The following PTPRF variants were observed in gnomAD, a reference collection of about 807,000 sequenced individuals.
PTPRF encodes receptor-type tyrosine-protein phosphatase F.
PTPRF carries 59 observed loss-of-function variants against 201.8 expected under a neutral mutation model. That is an observed-to-expected ratio of 0.29 (90% CI 0.24 to 0.36). The LOEUF (loss-of-function observed/expected upper bound fraction) is 0.36. Among genes scored for constraint, PTPRF ranks in the 10% least tolerant of loss-of-function variants. The pLI is 1.00. For missense variants in PTPRF, 2,132 were observed against 2,690.5 expected (o/e 0.79, Z 4.59); for synonymous variants, 1,088 against 1,089.7 (o/e 1.00, Z 0.03).
At chr1:43,609,125 G>T (rs201620679) in intron 21 of PTPRF, among the ~76,000 whole-genome samples, 1 of 152,258 alleles carries the variant, frequency 6.6e-6, no homozygotes, top group African/African-American at 2.4e-5. Flanking sequence ...GCTCGCCCCT[G>T]CAACCCCTTC....
chr1:43,586,197 G>T (rs1316170143), intron 7 of PTPRF, among the ~76,000 whole-genome samples: 1 of 152,232 alleles, frequency 6.6e-6, no homozygotes, highest in Non-Finnish European at 1.5e-5. Context: ...CTTAAGCATA[G>T]CTTCCCTTCC....
intron 7 of PTPRF, 174 bp downstream of exon 7, chr1:43,579,094 G>C (rs1297636534): frequency 1.4e-6 from 1 of 729,640 alleles, no homozygotes; most frequent in African/African-American, 1.7e-5. Context: ...GCAAGTTCCT[G>C]GCGTCTGCCA....
At chr1:43,602,147 C>T (rs1653914743) in intron 14 of PTPRF, 50 bp downstream of exon 14, 11 of 1,574,028 alleles carry the variant, frequency 7.0e-6, no homozygotes, top group African/African-American at 5.4e-5. Flanking sequence ...AAGCTGGGCT[C>T]GTGGGACGCT....
At chr1:43,535,656 G>A (rs1026673818) in intron 1 of PTPRF, among the ~76,000 whole-genome samples, 1 of 152,136 alleles carries the variant, frequency 6.6e-6, no homozygotes, top group African/African-American at 2.4e-5. Context: ...CAGATGATGG[G>A]GAACCCTACT....
At position 43,621,353 on chromosome 1, in the gene PTPRF, G is replaced by A. The variant is rs907196718; in HGVS notation, c.5655+121G>A. ...TTCATTCATGCTGCCAACCTTTCAC[G>A]TGGCCTGCGATAGGCATGGTGGTGT... On this transcript the variant is annotated intron_variant, in intron 33 of 33. Coordinates refer to ENST00000359947, the MANE Select transcript of PTPRF (RefSeq NM_002840.5). 54 of 1,339,388 alleles carry A rather than the reference G, an allele frequency of 4.0e-5. No individual in the cohort carries two copies. The African/African-American group carries it at 4.8e-4, about 12-fold the overall frequency. The allele number at this position is 1,339,388 out of a possible 1,614,324, so 83.0% of individuals were successfully genotyped here. A position where few individuals can be genotyped will look rare whatever the true frequency, so the allele number is the denominator to read the frequency against.
chr1:43,568,720 A>G (rs1646360175), intron 5 of PTPRF, among the ~76,000 whole-genome samples: 1 of 152,060 alleles, frequency 6.6e-6, no homozygotes, highest in African/African-American at 2.4e-5. Flanking sequence ...CGGGGCTGAT[A>G]TGGGAGCCCA....
intron 5 of PTPRF, among the ~76,000 whole-genome samples, chr1:43,555,983 C>T (rs1314127783): frequency 6.6e-6 from 1 of 152,148 alleles, no homozygotes; most frequent in Non-Finnish European, 1.5e-5. Flanking sequence ...TTTGATATTT[C>T]CAGAAGATTG....
upstream of PTPRF, among the ~76,000 whole-genome samples, chr1:43,524,521 T>G (rs1181934524): frequency 6.6e-6 from 1 of 151,786 alleles, no homozygotes; most frequent in Non-Finnish European, 1.5e-5. Context: ...ATAAATAAAG[T>G]TGATGGAGAA....
At chr1:43,559,117 C>A (rs1048679289) in intron 5 of PTPRF, among the ~76,000 whole-genome samples, 1 of 152,164 alleles carries the variant, frequency 6.6e-6, no homozygotes, top group Non-Finnish European at 1.5e-5. Context: ...GTGCACTGTT[C>A]GTGTGGTGTG....
Position 43,531,505 on chromosome 1 carries a change from GA to G in PTPRF, c.-126+416del. ...GGACGCGCTCCGGGGGCGGCCCTCAGACCCCCCAGCCCCGGGCTCCGGGCGG... is the reference window on the plus strand; with the variant it reads ...GGACGCGCTCCGGGGGCGGCCCTCAGCCCCCCAGCCCCGGGCTCCGGGCGG... On this transcript the variant is annotated intron_variant, in intron 1 of 33. Transcript: ENST00000359947. Among the ~76,000 whole-genome samples the G allele has an allele frequency of 2.1e-5, 3 of 141,050 alleles. No homozygotes were observed. The Admixed American group carries it at 2.1e-4, about 10-fold the overall frequency. 92.5% of individuals were successfully genotyped at this position (141,050 alleles called of 152,430 possible). A position where few individuals can be genotyped will look rare whatever the true frequency, so the allele number is the denominator to read the frequency against.
chr1:43,549,313 G>C (rs941224511), intron 3 of PTPRF, among the ~76,000 whole-genome samples: 1 of 152,208 alleles, frequency 6.6e-6, no homozygotes, highest in Non-Finnish European at 1.5e-5. Flanking sequence ...CTGGGGACCT[G>C]ACACTGTGGG....
chr1:43,592,729 G>A (rs1651163660), intron 11 of PTPRF, 128 bp downstream of exon 11: 1 of 1,176,484 alleles, frequency 8.5e-7, no homozygotes, highest in South Asian at 1.9e-5. Flanking sequence ...CCGAACTCTG[G>A]CCTGGGCTCT....
chr1:43,570,787 G>GCTGTT (rs1365906948), intron 6 of PTPRF, among the ~76,000 whole-genome samples: 1 of 152,270 alleles, frequency 6.6e-6, no homozygotes, highest in Non-Finnish European at 1.5e-5. Context: ...GACAGCCCAC[G>GCTGTT]AAGTGTTAGC....
At chr1:43,555,574 T>C (rs1645311075) in intron 5 of PTPRF, among the ~76,000 whole-genome samples, 1 of 151,352 alleles carries the variant, frequency 6.6e-6, no homozygotes, top group South Asian at 2.1e-4. Flanking sequence ...GCCTCCCGAG[T>C]AGCTGGGACT....
intron 2 of PTPRF, among the ~76,000 whole-genome samples, chr1:43,539,405 G>A (rs760929788): frequency 1.2e-4 from 18 of 152,322 alleles, no homozygotes; most frequent in East Asian, 7.7e-4. Flanking sequence ...CCAAGAGCTC[G>A]GTGGGTCTGT....
At chr1:43,608,702 T>A (rs1655734146) in intron 21 of PTPRF, among the ~76,000 whole-genome samples, 1 of 152,230 alleles carries the variant, frequency 6.6e-6, no homozygotes, top group African/African-American at 2.4e-5. Context: ...CAAAGAGCAG[T>A]CACTGTGTGG....
chr1:43,612,452 A>C (rs1211834147), intron 22 of PTPRF, among the ~76,000 whole-genome samples: 1 of 152,180 alleles, frequency 6.6e-6, no homozygotes, highest in Non-Finnish European at 1.5e-5. Context: ...TTTGGTATCA[A>C]AAGGGGCAGG....
chr1:43,613,012 C>T (rs1198210276), intron 22 of PTPRF: 4 of 376,602 alleles, frequency 1.1e-5, no homozygotes, highest in Non-Finnish European at 1.5e-5. Flanking sequence ...TTTTCTCTCC[C>T]ACCGGCCCCG....
chr1:43,599,914 G>A (rs999520589), intron 13 of PTPRF, among the ~76,000 whole-genome samples: 1 of 152,192 alleles, frequency 6.6e-6, no homozygotes, highest in African/African-American at 2.4e-5. Flanking sequence ...TCCCTATCCA[G>A]GAGCAGGGCC....
Sources: allele counts gnomAD v4.1 joint callset (sites outside exome capture counted in the v4.1 genomes callset), GRCh38; gene constraint gnomAD v4.1.1; transcripts MANE v1.5; gene names NCBI Gene and HGNC (gene_info 2026-07-23, HGNC 2026-07-21).